Variants in BMPR1B observed in about 807,000 individuals in gnomAD.
BMPR1B encodes bone morphogenetic protein receptor type 1B.
Under a neutral mutation model 59.1 loss-of-function variants are expected in BMPR1B, and 12 were observed. The observed-to-expected ratio is 0.20, with a 90% CI of 0.13 to 0.33. The LOEUF is 0.33. Ranked by LOEUF, BMPR1B falls within the 10% of genes least tolerant of loss-of-function variation. The pLI, the probability that BMPR1B is intolerant of heterozygous loss-of-function variation, is 1.00. For synonymous variants in BMPR1B, 237 were observed against 207.3 expected (o/e 1.14, Z -1.23); for missense variants, 550 against 610.9 (o/e 0.90, Z 1.05).
Position 95,084,270 on chromosome 4 carries a change from CTGTG to C in BMPR1B, c.-17-20136_-17-20133del, listed in dbSNP as rs538682772. 4.3e-3 allele frequency among the ~76,000 whole-genome samples: 644 copies of C among 150,950 alleles called. 6 individuals carry two copies. Among genetic ancestry groups the C allele is most frequent in the African/African-American group, 0.015 (619 of 41,210 alleles). On this transcript the variant is annotated intron_variant, in intron 3 of 12. Coordinates refer to ENST00000515059, the MANE Select transcript of BMPR1B (RefSeq NM_001203.3). ...TTATATATTTTATATATTCAGTACT[CTGTG>C]TATGTACATGATCTATACATATCTT...
intron 3 of BMPR1B, among the ~76,000 whole-genome samples, chr4:95,038,055 G>A (rs1448448729): frequency 6.6e-6 from 1 of 152,140 alleles, no homozygotes; most frequent in African/African-American, 2.4e-5. Context: ...TGGGAATGGG[G>A]TGGTTGTAGT....
chr4:95,068,528 ACATGGGATGCTAGGAGCAAC>A (rs1464668823), intron 3 of BMPR1B, among the ~76,000 whole-genome samples: 1 of 152,270 alleles, frequency 6.6e-6, no homozygotes, highest in Admixed American at 6.5e-5. Context: ...TTGATGCAGC[ACATGGGATGCTAGGAGCAAC>A]CATTCTATAC....
chr4:94,973,929 T>G (rs1340484650), intron 2 of BMPR1B, among the ~76,000 whole-genome samples: 1 of 152,284 alleles, frequency 6.6e-6, no homozygotes, highest in South Asian at 2.1e-4. Flanking sequence ...AATAAATTAC[T>G]AAGAAAAAAG....
At chr4:94,763,321 G>A (rs1721849698) in intron 1 of BMPR1B, among the ~76,000 whole-genome samples, 1 of 152,146 alleles carries the variant, frequency 6.6e-6, no homozygotes, top group South Asian at 2.1e-4. Flanking sequence ...TTGTTAGATC[G>A]GGATGTTACA....
chr4:94,928,634 A>C (rs1472990630), intron 2 of BMPR1B, among the ~76,000 whole-genome samples: 5 of 151,022 alleles, frequency 3.3e-5, no homozygotes, highest in Non-Finnish European at 7.4e-5. Flanking sequence ...TTGTTTGGCT[A>C]GATGCTAATG....
chr4:94,962,994 T>A (rs1046566478), intron 2 of BMPR1B, among the ~76,000 whole-genome samples: 1 of 152,158 alleles, frequency 6.6e-6, no homozygotes, highest in Admixed American at 6.6e-5. Context: ...TTATTACCTG[T>A]CTGTTTTATA....
intron 1 of BMPR1B, among the ~76,000 whole-genome samples, chr4:94,758,669 A>G (rs2110550920): frequency 6.6e-6 from 1 of 151,712 alleles, no homozygotes; most frequent in East Asian, 2.0e-4. Context: ...TCTCTGCTTC[A>G]GTTGCCTGTC....
intron 2 of BMPR1B, among the ~76,000 whole-genome samples, chr4:94,889,226 T>C (rs1185945164): frequency 6.6e-6 from 1 of 152,120 alleles, no homozygotes; most frequent in Non-Finnish European, 1.5e-5. Context: ...AATAGTGATA[T>C]TTTATTTTTT....
intron 2 of BMPR1B, among the ~76,000 whole-genome samples, chr4:94,909,169 G>A (rs1366302004): frequency 6.6e-6 from 1 of 151,898 alleles, no homozygotes; most frequent in Non-Finnish European, 1.5e-5. Flanking sequence ...TTGAATGTAG[G>A]GCCCATTCTA....
intron 1 of BMPR1B, among the ~76,000 whole-genome samples, chr4:94,780,380 TC>T (rs1722542736): frequency 6.6e-6 from 1 of 152,200 alleles, no homozygotes; most frequent in African/African-American, 2.4e-5. Flanking sequence ...CCAGATAATA[TC>T]CCATTGCATA....
At chr4:94,915,211 A>G (rs1301683858) in intron 2 of BMPR1B, among the ~76,000 whole-genome samples, 1 of 152,190 alleles carries the variant, frequency 6.6e-6, no homozygotes, top group African/African-American at 2.4e-5. Flanking sequence ...TGAATATTTG[A>G]TCACTCATCT....
At chr4:95,002,394 G>A (rs1160978522) in intron 3 of BMPR1B, among the ~76,000 whole-genome samples, 1 of 152,122 alleles carries the variant, frequency 6.6e-6, no homozygotes, top group African/African-American at 2.4e-5. Context: ...TTGTCACCTA[G>A]GTCGACCCCA....
chr4:95,076,286 CT>C (rs1382554085), intron 3 of BMPR1B, among the ~76,000 whole-genome samples: 1 of 151,908 alleles, frequency 6.6e-6, no homozygotes, highest in African/African-American at 2.4e-5. Context: ...GTTAGCTTGT[CT>C]TTTTTAGTTC....
At chr4:95,060,599 A>G (rs947849458) in intron 3 of BMPR1B, among the ~76,000 whole-genome samples, 1 of 152,198 alleles carries the variant, frequency 6.6e-6, no homozygotes, top group South Asian at 2.1e-4. Context: ...GATACATTTA[A>G]CTAAGTGATT....
intron 11 of BMPR1B, among the ~76,000 whole-genome samples, 200 bp downstream of exon 11, chr4:95,149,123 C>A (rs1021009264): frequency 1.3e-5 from 2 of 152,204 alleles, no homozygotes; most frequent in Admixed American, 6.5e-5. Flanking sequence ...CTTCCTCCAG[C>A]TGCCACTAGA....
intron 1 of BMPR1B, among the ~76,000 whole-genome samples, chr4:94,808,515 A>G (rs1474400508): frequency 6.6e-6 from 1 of 152,194 alleles, no homozygotes; most frequent in African/African-American, 2.4e-5. Context: ...TAATACTGAA[A>G]TGAGCAATTT....
At chr4:94,928,404 G>A (rs11939949) in intron 2 of BMPR1B, among the ~76,000 whole-genome samples, 12,861 of 152,010 alleles carry the variant, frequency 0.085, 591 homozygotes, top group Non-Finnish European at 0.11. Context: ...TAAGGTGTAG[G>A]CAGAAACTGG....
At chr4:94,933,545 A>C (rs1729175462) in intron 2 of BMPR1B, among the ~76,000 whole-genome samples, 1 of 152,132 alleles carries the variant, frequency 6.6e-6, no homozygotes, top group Non-Finnish European at 1.5e-5. Flanking sequence ...GAGAAACTAT[A>C]AGACATATCT....
At chr4:94,765,500 A>C (rs1721936547) in intron 1 of BMPR1B, among the ~76,000 whole-genome samples, 1 of 152,200 alleles carries the variant, frequency 6.6e-6, no homozygotes, top group Non-Finnish European at 1.5e-5. Flanking sequence ...GTGGGCCAAT[A>C]ATCTTGCCAC....
Sources: allele counts gnomAD v4.1 joint callset (sites outside exome capture counted in the v4.1 genomes callset), GRCh38; gene constraint gnomAD v4.1.1; transcripts MANE v1.5; gene names NCBI Gene and HGNC (gene_info 2026-07-23, HGNC 2026-07-21).